Variants in SMIM35 observed in about 807,000 individuals in gnomAD.
SMIM35 encodes the protein small integral membrane protein 35.
At chr11:118,070,472 C>T (rs1323703989) in intron 1 of SMIM35, among the ~76,000 whole-genome samples, 1 of 151,810 alleles carries the variant, frequency 6.6e-6, no homozygotes, top group Non-Finnish European at 1.5e-5. Context: ...CCACCGTGCC[C>T]AGCCTCTAGA....
chr11:118,016,194 G>A (rs927422035), intron 1 of SMIM35, among the ~76,000 whole-genome samples: 1 of 152,078 alleles, frequency 6.6e-6, no homozygotes, highest in Non-Finnish European at 1.5e-5. Flanking sequence ...AACACAGACC[G>A]GGGACCCTCA....
rs1038429614 is a variant in SMIM35 at position 118,013,793 on chromosome 11, G to A, written c.246C>T (p.Asn82=). The change falls in exon 4 of 5, where the codon AAC becomes AAT. Residue 82 remains asparagine, a synonymous_variant. Coordinates refer to ENST00000689828, the MANE Select transcript of SMIM35 (RefSeq NM_001394165.1). ...STDGGYMKFS[N]GLV ...TGCTGTCTCTGCATCAGACTAGCCC[G>A]TTGGAGAACTTCATGTAGCCACCAT... The A allele has an allele frequency of 7.5e-6, 3 of 398,952 alleles. No individual in the cohort carries two copies. Among genetic ancestry groups the A allele is most frequent in the East Asian group, 3.6e-5 (1 of 28,094 alleles). The allele number at this position is 398,952 out of a possible 1,614,324, so 24.7% of individuals were successfully genotyped here. A position where few individuals can be genotyped will look rare whatever the true frequency, so the allele number is the denominator to read the frequency against.
At chr11:118,041,883 C>T (rs1944006775) in intron 1 of SMIM35, among the ~76,000 whole-genome samples, 1 of 151,110 alleles carries the variant, frequency 6.6e-6, no homozygotes, top group African/African-American at 2.4e-5. Flanking sequence ...AAACCCTGTC[C>T]CTACTAAAAA....
At chr11:118,079,569 A>T (rs1430629660) in intron 1 of SMIM35, among the ~76,000 whole-genome samples, 2 of 152,098 alleles carry the variant, frequency 1.3e-5, no homozygotes, top group Non-Finnish European at 2.9e-5. Context: ...CCTGGCCTTG[A>T]CTCATTACTG....
chr11:118,064,674 C>T (rs928069331), intron 1 of SMIM35, among the ~76,000 whole-genome samples: 1 of 151,422 alleles, frequency 6.6e-6, no homozygotes, highest in Non-Finnish European at 1.5e-5. Flanking sequence ...GACAGGTTCT[C>T]GCTTTGTTGC....
At chr11:118,062,717 A>G (rs1046011582) in intron 1 of SMIM35, among the ~76,000 whole-genome samples, 7 of 152,052 alleles carry the variant, frequency 4.6e-5, no homozygotes, top group East Asian at 1.9e-4. Context: ...GTTGACTTCC[A>G]TCTGTTTTTC....
chr11:118,071,131 G>T (rs1278773016), intron 1 of SMIM35, among the ~76,000 whole-genome samples: 2 of 152,206 alleles, frequency 1.3e-5, no homozygotes, highest in African/African-American at 2.4e-5. Context: ...CTTATTTGAA[G>T]AAAATGCGTC....
chr11:118,017,512 T>C (rs1161894987), intron 1 of SMIM35, among the ~76,000 whole-genome samples: 2 of 152,104 alleles, frequency 1.3e-5, no homozygotes, highest in Non-Finnish European at 2.9e-5. Flanking sequence ...AAGAAATTAA[T>C]TATATACCAT....
chr11:118,013,110 C>T (rs2058158823), intron 4 of SMIM35, among the ~76,000 whole-genome samples: 1 of 152,156 alleles, frequency 6.6e-6, no homozygotes. Context: ...CCTGACTCCC[C>T]AGGACTCCCA....
chr11:118,013,661 C>T (rs1044008281), intron 4 of SMIM35, 87 bp downstream of exon 4: 2 of 395,342 alleles, frequency 5.1e-6, no homozygotes, highest in African/African-American at 4.1e-5. Flanking sequence ...CCAAGTGGTC[C>T]TTGGTGCGAG....
chr11:118,008,333 A>T (rs957364678), intron 4 of SMIM35, among the ~76,000 whole-genome samples: 4 of 152,166 alleles, frequency 2.6e-5, no homozygotes, highest in Admixed American at 2.6e-4. Context: ...AGCAGTTTTT[A>T]GAAATATAAT....
intron 4 of SMIM35, among the ~76,000 whole-genome samples, chr11:118,008,322 A>G (rs535793410): frequency 1.3e-5 from 2 of 152,216 alleles, no homozygotes; most frequent in East Asian, 3.9e-4. Context: ...TTAGATCACT[A>G]AGCAGTTTTT....
chr11:118,049,702 T>C (rs1226503372), intron 1 of SMIM35, among the ~76,000 whole-genome samples: 3 of 152,180 alleles, frequency 2.0e-5, no homozygotes, highest in Non-Finnish European at 2.9e-5. Flanking sequence ...AATGGTCATA[T>C]ATGTTTGAGT....
At chr11:118,043,853 G>T (rs1489097415) in intron 1 of SMIM35, among the ~76,000 whole-genome samples, 1 of 149,096 alleles carries the variant, frequency 6.7e-6, no homozygotes, top group Non-Finnish European at 1.5e-5. Flanking sequence ...GGGGCCAGGG[G>T]AAGTGGGGAG....
intron 1 of SMIM35, among the ~76,000 whole-genome samples, chr11:118,053,816 T>C (rs1043008776): frequency 6.6e-6 from 1 of 152,196 alleles, no homozygotes; most frequent in Non-Finnish European, 1.5e-5. Flanking sequence ...GACAGTGATG[T>C]GGTCTCCACA....
rs1273886837 is a variant in SMIM35 at position 118,028,801 on chromosome 11, A to G, written c.8-12992T>C. ...AAAAGGAGGAGGAGGAAGAGAAAAA[A>G]CAAGGAGAAACAAGAGGAGAAGTAG... On this transcript the variant is annotated intron_variant, in intron 1 of 4. Transcript: ENST00000689828. 6.6e-6 allele frequency: 3 copies of G among 452,900 alleles called. No homozygotes were observed. The Admixed American group carries it at 7.1e-5, about 11-fold the overall frequency. The allele number at this position is 452,900 out of a possible 1,614,324, so 28.1% of individuals were successfully genotyped here. A position where few individuals can be genotyped will look rare whatever the true frequency, so the allele number is the denominator to read the frequency against.
intron 1 of SMIM35, among the ~76,000 whole-genome samples, chr11:118,048,952 A>AAAAAAAAAAAAAAAAAAAC: frequency 6.6e-6 from 1 of 150,752 alleles, no homozygotes; most frequent in Non-Finnish European, 1.5e-5. Flanking sequence ...GCTGCAAAAA[A>AAAAAAAAAAAAAAAAAAAC]AAAAAAAAAA....
intron 1 of SMIM35, among the ~76,000 whole-genome samples, chr11:118,055,206 G>A (rs1944290013): frequency 1.3e-5 from 2 of 152,160 alleles, no homozygotes; most frequent in African/African-American, 4.8e-5. Flanking sequence ...TGCCTCCCAT[G>A]TCTCTGGTAT....
intron 4 of SMIM35, among the ~76,000 whole-genome samples, chr11:118,011,924 A>T (rs2135015945): frequency 6.6e-6 from 1 of 152,200 alleles, no homozygotes; most frequent in African/African-American, 2.4e-5. Flanking sequence ...AAATCCAGAG[A>T]CTTGGTAATT....
Sources: gnomAD v4.1 joint callset for allele counts (sites outside exome capture counted in the v4.1 genomes callset) on GRCh38, gnomAD v4.1.1 for gene constraint, MANE v1.5 for transcripts, NCBI Gene and HGNC (gene_info 2026-07-23, HGNC 2026-07-21) for gene names.